The following NUP88 variants were observed in gnomAD, a reference collection of about 807,000 sequenced individuals.
The protein encoded by NUP88 is nucleoporin 88.
NUP88 carries 57 observed loss-of-function variants against 93.9 expected under a neutral mutation model. The ratio of observed to expected loss-of-function variants is 0.61; its 90% CI spans 0.49 to 0.76. The LOEUF is 0.76. Ranked by LOEUF, NUP88 falls within the 30% of genes least tolerant of loss-of-function variation. NUP88 has a pLI of 0.00. For synonymous variants in NUP88, 346 were observed against 336.8 expected, an observed-to-expected ratio of 1.03 and a Z score of -0.30; for missense variants, 911 against 901.0, an observed-to-expected ratio of 1.01 and a Z score of -0.14.
At position 5,402,986 on chromosome 17, in the gene NUP88, T is replaced by TCA. The variant is rs149934888; in HGVS notation, c.1192+1111_1192+1112dup. The stretch of plus-strand genomic sequence containing the variant: ...GCCTAGATGACACAGTGAGATCATA[T>TCA]CACACACACACACACAAAAGCCAAA... On this transcript the variant is annotated intron_variant, in intron 7 of 16. Coordinates refer to ENST00000573584, the MANE Select transcript of NUP88 (RefSeq NM_002532.6). Among the ~76,000 whole-genome samples the TCA allele has an allele frequency of 1.9e-3, 292 of 151,686 alleles. 1 individual carries two copies. The highest frequency in any genetic ancestry group is 5.9e-3 in the African/African-American group (243 of 41,338).
At chr17:5,417,215 T>C (rs959511647) in intron 1 of NUP88, among the ~76,000 whole-genome samples, 2 of 152,214 alleles carry the variant, frequency 1.3e-5, no homozygotes, top group African/African-American at 4.8e-5. Flanking sequence ...TTTGAGATTT[T>C]GGAGGAGTGA....
chr17:5,398,253 G>A (rs1195303250), intron 8 of NUP88, among the ~76,000 whole-genome samples: 4 of 150,858 alleles, frequency 2.7e-5, no homozygotes, highest in Non-Finnish European at 4.4e-5. Context: ...TTTTCTTTTT[G>A]GATAGTTTTG....
At chr17:5,409,606 C>T (rs1018579052) in intron 4 of NUP88, among the ~76,000 whole-genome samples, 2 of 152,104 alleles carry the variant, frequency 1.3e-5, no homozygotes, top group Non-Finnish European at 2.9e-5. Flanking sequence ...TCGCAAAGCA[C>T]CTACTCTGTG....
rs1020239712 is a variant in NUP88, at chr17:5,391,768, T to C, written c.1383-106A>G. The C allele has an allele frequency of 3.8e-5, 32 of 838,000 alleles. No homozygotes were observed. In the South Asian group the frequency reaches 4.4e-4, roughly 12 times the overall value. The allele number at this position is 838,000 out of a possible 1,614,324, so 51.9% of individuals were successfully genotyped here. On this transcript the variant is annotated intron_variant, in intron 9 of 16. Coordinates refer to ENST00000573584, the MANE Select transcript of NUP88 (RefSeq NM_002532.6). ...CTTCTCAGGCCTGGGCTGAAGTTGC[T>C]TGGGACATCCTATCAGTACCATAAC...
chr17:5,416,399 G>C, intron 2 of NUP88, 114 bp downstream of exon 2: 1 of 655,308 alleles, frequency 1.5e-6, no homozygotes, highest in Non-Finnish European at 2.5e-6. Flanking sequence ...TGCAGACCAC[G>C]AGGAGTGTTT....
intron 11 of NUP88, chr17:5,388,119 G>GC: frequency 2.8e-6 from 1 of 363,190 alleles, no homozygotes; most frequent in Non-Finnish European, 5.0e-6. Flanking sequence ...TTCTGCCTCA[G>GC]CCTCTCGAGT....
intron 16 of NUP88, 66 bp from the exon 17 acceptor site, chr17:5,386,335 T>C (rs898321808): frequency 1.6e-6 from 2 of 1,220,502 alleles, no homozygotes; most frequent in Non-Finnish European, 2.4e-6. Flanking sequence ...TTCTTAAGAA[T>C]TTAAACTGGT....
intron 8 of NUP88, among the ~76,000 whole-genome samples, chr17:5,397,372 C>T (rs955282604): frequency 6.6e-6 from 1 of 151,126 alleles, no homozygotes; most frequent in Non-Finnish European, 1.5e-5. Flanking sequence ...TAAATAGGGA[C>T]ATTACCTTGG....
chr17:5,402,827 G>A (rs1050707622), intron 7 of NUP88, among the ~76,000 whole-genome samples: 3 of 152,016 alleles, frequency 2.0e-5, no homozygotes, highest in South Asian at 2.1e-4. Flanking sequence ...GCAAAATCCC[G>A]TATCTACCAA....
At chr17:5,411,800 G>A (rs945306696) in intron 3 of NUP88, among the ~76,000 whole-genome samples, 1 of 152,000 alleles carries the variant, frequency 6.6e-6, no homozygotes, top group Admixed American at 6.5e-5. Flanking sequence ...TTTGTCTGAC[G>A]CCACTAAGAA....
intron 1 of NUP88, among the ~76,000 whole-genome samples, chr17:5,417,256 G>A (rs185865642): frequency 6.6e-6 from 1 of 152,272 alleles, no homozygotes; most frequent in Admixed American, 6.5e-5. Flanking sequence ...AATATTTACT[G>A]AAAGCTTATA....
chr17:5,413,927 G>T (rs927648274), intron 3 of NUP88, 82 bp downstream of exon 3: 8 of 1,457,176 alleles, frequency 5.5e-6, no homozygotes, highest in Non-Finnish European at 7.6e-6. Flanking sequence ...GACTCACTTC[G>T]TTCTATGTTG....
chr17:5,390,628 T>C (rs1439581909), intron 10 of NUP88, among the ~76,000 whole-genome samples: 2 of 152,166 alleles, frequency 1.3e-5, no homozygotes, highest in African/African-American at 4.8e-5. Context: ...TCCAGGGCTG[T>C]TGGAAAAGGA....
At chr17:5,407,198 C>T (rs1431458432) in intron 5 of NUP88, among the ~76,000 whole-genome samples, 7 of 152,156 alleles carry the variant, frequency 4.6e-5, no homozygotes, top group Non-Finnish European at 1.0e-4. Context: ...TATGGTTTTG[C>T]GTACTCTCTT....
chr17:5,405,089 C>T lies in NUP88; in HGVS notation c.1012G>A (p.Val338Met), dbSNP rs779828157. ...TCATCTTCTTCTTCCCCTTCTAGCA[C>T]GACACAGTGATACAGCATTCCTGAT... ...TESGMLYHCVVLEGEEEDDHT... is the reference protein window; with the variant it reads ...TESGMLYHCVMLEGEEEDDHT... Residue 338 changes from valine to methionine, a missense_variant, in exon 6 of 17, where the codon GTG becomes ATG. By Grantham distance (21) the Val-to-Met change is conservative. Coordinates refer to ENST00000573584, the MANE Select transcript of NUP88 (RefSeq NM_002532.6). The T allele has an allele frequency of 6.4e-5, 104 of 1,613,966 alleles. No homozygotes were observed. Among genetic ancestry groups the T allele is most frequent in the South Asian group, 2.2e-4 (20 of 91,056 alleles).
At position 5,410,776 on chromosome 17, in the gene NUP88, G is replaced by A. The variant is rs374088928; in HGVS notation, c.607C>T (p.Arg203Cys). The change falls in exon 4 of 17, where the codon CGT (arginine) becomes TGT (cysteine). Residue 203 changes from arginine to cysteine, a missense_variant. Arg to Cys is a radical substitution (Grantham distance 180). Transcript: ENST00000573584. Reference sequence around the variant, plus strand: ...ACGTTAGTGGGTGTCTGCGGCTCACGTAGTGAGTAAATTCTAGCAACCAAA... The same window carrying A: ...ACGTTAGTGGGTGTCTGCGGCTCACATAGTGAGTAAATTCTAGCAACCAAA... ...SDNVIRIYSLREPQTPTNVII... is the reference protein window; with the variant it reads ...SDNVIRIYSLCEPQTPTNVII... The A allele has an allele frequency of 9.3e-5, 149 of 1,608,972 alleles. 2 individuals are homozygous for A. In the South Asian group the frequency reaches 1.5e-3, roughly 17 times the overall value.
At chr17:5,393,435 CTT>C (rs35265554) in intron 9 of NUP88, among the ~76,000 whole-genome samples, 5 of 121,684 alleles carry the variant, frequency 4.1e-5, no homozygotes, top group Non-Finnish European at 5.2e-5. Flanking sequence ...GTTCACTTTT[CTT>C]TTTTTTTTTT....
At chr17:5,386,326 T>G in intron 16 of NUP88, 57 bp from the exon 17 acceptor site, 2 of 1,313,486 alleles carry the variant, frequency 1.5e-6, no homozygotes, top group Non-Finnish European at 2.2e-6. Flanking sequence ...TTATATGGAT[T>G]CTTAAGAATT....
At position 5,387,604 on chromosome 17, in the gene NUP88, C is replaced by T. The variant is rs754742745; in HGVS notation, c.1835+1G>A. The stretch of plus-strand genomic sequence containing the variant: ...GTATTCTTCTTATTTTTGACACTTA[C>T]CTCTCTTCTCGACAATAACTGAGAT... On this transcript the variant is annotated splice_donor_variant, in intron 13 of 16. Transcript: ENST00000573584. LOFTEE classifies it high-confidence loss of function. The T allele has an allele frequency of 1.2e-6, 2 of 1,612,206 alleles. No individual in the cohort carries two copies. Among genetic ancestry groups the T allele is most frequent in the Non-Finnish European group, 1.7e-6 (2 of 1,178,584 alleles).
Sources: gnomAD v4.1 joint callset for allele counts (sites outside exome capture counted in the v4.1 genomes callset) on GRCh38, gnomAD v4.1.1 for gene constraint, MANE v1.5 for transcripts, NCBI Gene and HGNC (gene_info 2026-07-23, HGNC 2026-07-21) for gene names.